Variants in RGS7 observed in about 807,000 individuals in gnomAD.
RGS7 encodes the protein regulator of G-protein signaling 7.
A neutral mutation model predicts 81.1 loss-of-function variants in RGS7; 27 were observed. The ratio of observed to expected loss-of-function variants is 0.33; its 90% confidence interval spans 0.25 to 0.46. RGS7 has a LOEUF of 0.46. Ranked by LOEUF, RGS7 falls within the 20% of genes least tolerant of loss-of-function variation. RGS7 has a pLI of 1.00. For synonymous variants in RGS7, 208 were observed against 207.7 expected (o/e 1.00, Z -0.01); for missense variants, 396 against 607.4 (o/e 0.65, Z 3.66).
At chr1:240,855,214 ATATT>A (rs1660848285) in intron 9 of RGS7, among the ~76,000 whole-genome samples, 1 of 149,802 alleles carries the variant, frequency 6.7e-6, no homozygotes. Flanking sequence ...AAACAATATA[ATATT>A]TATTTATTCA....
chr1:241,236,594 G>A (rs966788357), intron 2 of RGS7, among the ~76,000 whole-genome samples: 6 of 152,046 alleles, frequency 3.9e-5, no homozygotes, highest in Middle Eastern at 6.3e-3. Flanking sequence ...GATTTGCCTC[G>A]AAACCACAAG....
chr1:241,259,257 T>A (rs755855730), intron 2 of RGS7, among the ~76,000 whole-genome samples: 1 of 152,100 alleles, frequency 6.6e-6, no homozygotes, highest in South Asian at 2.1e-4. Flanking sequence ...CATTATCCTA[T>A]CTTCAAGAAG....
At position 241,164,043 on chromosome 1, in the gene RGS7, T is replaced by C. The variant is rs1490414105; in HGVS notation, c.79-65281A>G. ...GACCAGCTGGAAATTAGAGATCCCA[T>C]GATCCCCTGCTTGAGTTCAATTAAT... On this transcript the variant is annotated intron_variant, in intron 2 of 18. Transcript: ENST00000440928. The surrounding 1 kb of genome is among the most constrained non-coding windows in gnomAD (Gnocchi z 4.1). Among the ~76,000 whole-genome samples the C allele has an allele frequency of 6.6e-6, 1 of 152,166 alleles. No homozygotes were observed. Among genetic ancestry groups the C allele is most frequent in the Admixed American group, 6.5e-5 (1 of 15,280 alleles).
intron 2 of RGS7, among the ~76,000 whole-genome samples, chr1:241,128,611 T>A (rs1330194514): frequency 6.6e-6 from 1 of 151,868 alleles, no homozygotes; most frequent in Non-Finnish European, 1.5e-5. Flanking sequence ...TTTAAAAAGT[T>A]CAGAAAATAT....
intron 18 of RGS7, among the ~76,000 whole-genome samples, chr1:240,779,099 TTGTGTGTG>T (rs71172643): frequency 0.031 from 4,400 of 144,244 alleles, 197 homozygotes; most frequent in African/African-American, 0.1. Flanking sequence ...TTAGTGTTCT[TTGTGTGTG>T]TGTGTGTGTG....
At position 240,775,870 on chromosome 1, in the gene RGS7, A is replaced by C. The variant is rs547211969; in HGVS notation, c.*350T>G. On this transcript the variant is annotated 3_prime_UTR_variant, in exon 19 of 19. Transcript: ENST00000440928. ...GTGTCTAACTGAAGCTTTGAGAGAG[A>C]GAGAGAGAGAAAGAAGGAAAAAAAG... is the stretch of plus-strand genomic sequence containing the variant. The C allele has an allele frequency of 2.8e-6, 1 of 357,770 alleles. No individual in the cohort carries two copies. Among genetic ancestry groups the C allele is most frequent in the East Asian group, 5.4e-5 (1 of 18,458 alleles). The allele number at this position is 357,770 out of a possible 1,614,324, so 22.2% of individuals were successfully genotyped here. A position where few individuals can be genotyped will look rare whatever the true frequency, so the allele number is the denominator to read the frequency against.
chr1:241,243,762 T>C (rs1234375610), intron 2 of RGS7, among the ~76,000 whole-genome samples: 1 of 152,180 alleles, frequency 6.6e-6, no homozygotes, highest in Admixed American at 6.5e-5. Flanking sequence ...AGGAAAGTGG[T>C]CACCTTATTT....
At chr1:241,059,825 G>C (rs1001169883) in intron 3 of RGS7, among the ~76,000 whole-genome samples, 2 of 151,972 alleles carry the variant, frequency 1.3e-5, no homozygotes, top group Admixed American at 1.3e-4. Context: ...GGTCCAAAAT[G>C]GAACTGATCC....
intron 2 of RGS7, among the ~76,000 whole-genome samples, chr1:241,220,351 C>T (rs1302368327): frequency 3.3e-5 from 5 of 152,154 alleles, no homozygotes; most frequent in Admixed American, 6.6e-5. Context: ...AAAATACTGA[C>T]GCCTGAACCA....
intron 4 of RGS7, among the ~76,000 whole-genome samples, chr1:240,964,146 G>C (rs1456483740): frequency 6.6e-6 from 1 of 152,246 alleles, no homozygotes; most frequent in Admixed American, 6.5e-5. Flanking sequence ...AAGTGTATTT[G>C]TAAAGCAGAG....
At position 240,790,904 on chromosome 1, in the gene RGS7, CTT is replaced by C. The variant is rs1490815731; in HGVS notation, c.*6+9735_*6+9736del. Among the ~76,000 whole-genome samples the C allele has an allele frequency of 3.3e-5, 5 of 152,134 alleles. No homozygotes were observed. The East Asian group carries it at 9.6e-4, about 29-fold the overall frequency. ...GAAAAGAGAAAGCTCTCCCAATAATCTTTTCTATCTCATGTTAGGAATATATT... is the reference window on the plus strand; with the variant it reads ...GAAAAGAGAAAGCTCTCCCAATAATCTTCTATCTCATGTTAGGAATATATT... On this transcript the variant is annotated intron_variant, in intron 18 of 18. Transcript: ENST00000440928.
At chr1:240,986,921 T>C (rs1685756662) in intron 3 of RGS7, among the ~76,000 whole-genome samples, 1 of 152,248 alleles carries the variant, frequency 6.6e-6, no homozygotes, top group Non-Finnish European at 1.5e-5. Context: ...AAATTGATCT[T>C]AAACTTCAAC....
intron 2 of RGS7, among the ~76,000 whole-genome samples, chr1:241,326,930 G>T (rs915042977): frequency 1.4e-5 from 2 of 141,202 alleles, no homozygotes; most frequent in Non-Finnish European, 3.1e-5. Flanking sequence ...AAAAAATTAA[G>T]AAAGAGAGAG....
chr1:240,827,683 T>C (rs1693083238), intron 9 of RGS7, among the ~76,000 whole-genome samples: 1 of 151,786 alleles, frequency 6.6e-6, no homozygotes, highest in African/African-American at 2.4e-5. Flanking sequence ...ACCAATATGG[T>C]GAAACCCTGT....
chr1:241,228,895 G>C (rs957931931), intron 2 of RGS7, among the ~76,000 whole-genome samples: 2 of 152,110 alleles, frequency 1.3e-5, no homozygotes, highest in African/African-American at 4.8e-5. Flanking sequence ...GAACAGGCTT[G>C]TAGTTTAATA....
Position 241,152,140 on chromosome 1 carries a change from C to CAAAAAAAAAAA in RGS7, c.79-53389_79-53379dup, listed in dbSNP as rs112950850. Among the ~76,000 whole-genome samples the CAAAAAAAAAAA allele has an allele frequency of 8.9e-4, 97 of 108,450 alleles. 1 individual carries two copies. The highest frequency in any genetic ancestry group is 2.8e-3 in the African/African-American group (92 of 32,698). 71.1% of individuals were successfully genotyped at this position (108,450 alleles called of 152,430 possible). On this transcript the variant is annotated intron_variant, in intron 2 of 18. Coordinates refer to ENST00000440928, the MANE Select transcript of RGS7 (RefSeq NM_001364886.1). ...CCAATAATTCCAGCTCATTAGCAGC[C>CAAAAAAAAAAA]AAAAAAAAAAAAAAAGATCTTTGGG... is the stretch of plus-strand genomic sequence containing the variant.
intron 2 of RGS7, among the ~76,000 whole-genome samples, chr1:241,318,478 C>A (rs2081018582): frequency 6.7e-6 from 1 of 149,278 alleles, no homozygotes; most frequent in Admixed American, 6.6e-5. Flanking sequence ...TTTTCCCAGA[C>A]AGAGTTTCAC....
chr1:241,350,098 C>A (rs1176341775), intron 2 of RGS7, among the ~76,000 whole-genome samples: 2 of 152,188 alleles, frequency 1.3e-5, no homozygotes, highest in Non-Finnish European at 2.9e-5. Flanking sequence ...GTAGCACTGA[C>A]AAACAACAAC....
intron 18 of RGS7, among the ~76,000 whole-genome samples, chr1:240,798,209 T>G (rs1687394855): frequency 6.6e-6 from 1 of 152,218 alleles, no homozygotes; most frequent in Non-Finnish European, 1.5e-5. Flanking sequence ...TCTATATTTT[T>G]TGGAAAATTG....
Sources: allele counts gnomAD v4.1 joint callset (sites outside exome capture counted in the v4.1 genomes callset), GRCh38; gene constraint gnomAD v4.1.1; non-coding constraint Gnocchi (gnomAD v3.1); transcripts MANE v1.5; gene names NCBI Gene and HGNC (gene_info 2026-07-23, HGNC 2026-07-21).